Variants in BLNK observed in about 807,000 individuals in gnomAD.
BLNK encodes B cell linker, also known as B-cell linker protein.
BLNK carries 29 observed loss-of-function variants against 73.5 expected under a neutral mutation model. The ratio of observed to expected loss-of-function variants is 0.39; its 90% CI spans 0.29 to 0.54. The LOEUF (loss-of-function observed/expected upper bound fraction) is 0.54, where lower values mean the gene tolerates loss of function less well. Ranked by LOEUF, BLNK falls within the 20% of genes least tolerant of loss-of-function variation. BLNK has a pLI of 0.61. For synonymous variants in BLNK, 176 were observed against 200.8 expected, an observed-to-expected ratio of 0.88 and a Z score of 1.04; for missense variants, 460 against 562.8, an observed-to-expected ratio of 0.82 and a Z score of 1.85.
At position 96,191,903 on chromosome 10, in the gene BLNK, G is replaced by A. The variant is rs1367767600; in HGVS notation, c.*70C>T. 6.3e-7 allele frequency: 1 copy of A among 1,594,578 alleles called. No homozygotes were observed. Among genetic ancestry groups the A allele is most frequent in the East Asian group, 2.2e-5 (1 of 44,546 alleles). ...CATAATCCAAAATATGAAGTTTTGG[G>A]ACTTTTTCTCAAAAGGAGAAACTTT... is the stretch of plus-strand genomic sequence containing the variant. On this transcript the variant is annotated 3_prime_UTR_variant, in exon 17 of 17. Coordinates refer to ENST00000224337, the MANE Select transcript of BLNK (RefSeq NM_013314.4).
chr10:96,216,549 G>C (rs2084070076), intron 7 of BLNK, 104 bp downstream of exon 7: 1 of 995,476 alleles, frequency 1.0e-6, no homozygotes, highest in Non-Finnish European at 1.6e-6. Context: ...AGAAAGTCCT[G>C]GGCACTGTCA....
chr10:96,196,181 AT>A (rs757880367), intron 16 of BLNK, among the ~76,000 whole-genome samples: 3 of 152,122 alleles, frequency 2.0e-5, no homozygotes, highest in South Asian at 2.1e-4. Flanking sequence ...TGTTCTTCCC[AT>A]TTTTCTCCTT....
rs35550791 is a variant in BLNK at position 96,270,613 on chromosome 10, T to TAA, written c.47+737_47+738dup. Among the ~76,000 whole-genome samples, 899 of 127,676 alleles carry TAA rather than the reference T, an allele frequency of 7.0e-3. 13 individuals carry two copies. Among genetic ancestry groups the TAA allele is most frequent in the African/African-American group, 0.022 (832 of 37,448 alleles). The allele number at this position is 127,676 out of a possible 152,430, so 83.8% of individuals were successfully genotyped here. On this transcript the variant is annotated intron_variant, in intron 1 of 16. Transcript: ENST00000224337. The stretch of plus-strand genomic sequence containing the variant: ...TGTACCCCAGAACTTAAAAGTATAA[T>TAA]AAAAAAAAAAAACTGTTAAAAAATG...
chr10:96,264,558 A>G (rs782170520), intron 1 of BLNK, among the ~76,000 whole-genome samples: 1 of 152,188 alleles, frequency 6.6e-6, no homozygotes, highest in Non-Finnish European at 1.5e-5. Flanking sequence ...TGAGATCCAG[A>G]TTCAATCGAA....
chr10:96,253,108 T>G (rs1473161234), intron 1 of BLNK, among the ~76,000 whole-genome samples: 3 of 152,166 alleles, frequency 2.0e-5, no homozygotes, highest in African/African-American at 7.2e-5. Flanking sequence ...GCCTTCCAAT[T>G]TTTACTACCC....
rs199765600 is a variant in BLNK at position 96,227,565 on chromosome 10, T to C, written c.206A>G (p.Asp69Gly). Residue 69 changes from aspartate (D) to glycine (G), a missense_variant and splice_region_variant, in exon 5 of 17, where the codon GAC becomes GGC. Transcript: ENST00000224337. Reference sequence around the variant, plus strand: ...CTCATCTGGATTTTCATAGTCGCTGTCCTGCAAGTGCAGATGCAGACACTG... The same window carrying C: ...CTCATCTGGATTTTCATAGTCGCTGCCCTGCAAGTGCAGATGCAGACACTG... ...DEEEQWSDDF[D>G]SDYENPDEHS... 101 of 1,613,912 alleles carry C rather than the reference T, an allele frequency of 6.3e-5. No individual in the cohort carries two copies. The highest frequency in any genetic ancestry group is 8.1e-5 in the Non-Finnish European group (96 of 1,180,046).
rs1479094308 is a variant in BLNK, at chr10:96,242,794, A to G, written c.114-10T>C. On this transcript the variant is annotated splice_polypyrimidine_tract_variant and intron_variant, in intron 2 of 16. Transcript: ENST00000224337. ...TGCTTTGACTTTTAGCCTGGAAATA[A>G]CAACCATGAGACAAAAGGTCAGTGA... 7 of 1,612,904 alleles carry G rather than the reference A, an allele frequency of 4.3e-6. No homozygotes were observed. Among genetic ancestry groups the G allele is most frequent in the African/African-American group, 1.3e-5 (1 of 74,914 alleles).
rs2083292452 is a variant in BLNK, at chr10:96,189,210, A to G, written c.*2763T>C. 6.6e-6 allele frequency among the ~76,000 whole-genome samples: 1 copy of G among 152,252 alleles called. No individual in the cohort carries two copies. Among genetic ancestry groups the G allele is most frequent in the South Asian group, 2.1e-4 (1 of 4,826 alleles). On this transcript the variant is annotated 3_prime_UTR_variant, in exon 17 of 17. Coordinates refer to ENST00000224337, the MANE Select transcript of BLNK (RefSeq NM_013314.4). ...TAATAATGAAACAGGCATTTTGGACAACACATTCTTGGCAATGGAACCTGG... is the reference window on the plus strand; with the variant it reads ...TAATAATGAAACAGGCATTTTGGACGACACATTCTTGGCAATGGAACCTGG...
rs782493413 is a variant in BLNK at position 96,201,068 on chromosome 10, A to G, written c.935-10T>C. 1 of 1,611,044 alleles carries G rather than the reference A, an allele frequency of 6.2e-7. No individual in the cohort carries two copies. Among genetic ancestry groups the G allele is most frequent in the South Asian group, 1.1e-5 (1 of 91,030 alleles). On this transcript the variant is annotated splice_polypyrimidine_tract_variant and intron_variant, in intron 13 of 16. Transcript: ENST00000224337. ...CCCCCTTCTGTAAATCCTGAAAGGG[A>G]TCAGAAAAGTCCTTCAATTAATCTT... is the stretch of plus-strand genomic sequence containing the variant.
At chr10:96,216,592 C>T in intron 7 of BLNK, 61 bp downstream of exon 7, 2 of 1,423,190 alleles carry the variant, frequency 1.4e-6, no homozygotes, top group Non-Finnish European at 2.0e-6. Flanking sequence ...CTACCAAATA[C>T]TCTTATACAT....
chr10:96,204,548 A>G lies in BLNK; in HGVS notation c.886T>C (p.Phe296Leu). The G allele has an allele frequency of 1.2e-6, 2 of 1,614,112 alleles. No homozygotes were observed. The highest frequency in any genetic ancestry group is 2.2e-5 in the South Asian group (2 of 91,076). ...GATTCTTACTTCTGGGCAGGAGGAA[A>G]CACTGGTGACTGCACAGCTTCTTGT... Reference protein sequence around the residue: ...HRQEAVQSPVFPPAQKQIHQK... With the variant: ...HRQEAVQSPVLPPAQKQIHQK... The change falls in exon 12 of 17, where the codon TTT becomes CTT. Residue 296 changes from phenylalanine (F) to leucine (L), a missense_variant. Phe to Leu is a conservative substitution (Grantham distance 22). This residue lies in a region of BLNK where 233 missense variants were observed against 232.1 expected (regional missense o/e 1.00). Transcript: ENST00000224337.
chr10:96,247,944 G>A (rs1156647236), intron 1 of BLNK, among the ~76,000 whole-genome samples: 2 of 152,144 alleles, frequency 1.3e-5, no homozygotes, highest in African/African-American at 4.8e-5. Flanking sequence ...CCTACTCTGT[G>A]GAGTGTACTT....
chr10:96,196,984 C>T lies in BLNK; in HGVS notation c.1175G>A (p.Arg392Gln), dbSNP rs372532123. The T allele has an allele frequency of 5.6e-6, 9 of 1,612,934 alleles. No homozygotes were observed. The highest frequency in any genetic ancestry group is 4.0e-5 in the African/African-American group (3 of 74,870). ...AAATCGCACAGGAATATTATATACTCGCTTATTAAAGAATACAACTAGTGT... is the reference window on the plus strand; with the variant it reads ...AAATCGCACAGGAATATTATATACTTGCTTATTAAAGAATACAACTAGTGT... ...PYTLVVFFNK[R>Q]VYNIPVRFIE... The change falls in exon 16 of 17, where the codon CGA (arginine) becomes CAA (glutamine). Residue 392 changes from arginine to glutamine, a missense_variant. Arg to Gln is a conservative substitution (Grantham distance 43, BLOSUM62 1). Around this residue, in one of 3 missense-constraint regions of BLNK, gnomAD observed 88 missense variants for 143.4 expected, o/e 0.61. Coordinates refer to ENST00000224337, the MANE Select transcript of BLNK (RefSeq NM_013314.4).
At chr10:96,215,995 C>T (rs1699708522) in intron 7 of BLNK, 1 of 160,460 alleles carries the variant, frequency 6.2e-6, no homozygotes, top group Non-Finnish European at 1.4e-5. Flanking sequence ...CGGACTGAAA[C>T]CTGAATATGG....
intron 1 of BLNK, among the ~76,000 whole-genome samples, chr10:96,267,521 A>T (rs1388664431): frequency 6.6e-6 from 1 of 151,858 alleles, no homozygotes; most frequent in Non-Finnish European, 1.5e-5. Context: ...GGAAGTAAAA[A>T]CTCCAGTTGA....
chr10:96,233,964 A>C (rs1180783822), intron 3 of BLNK, among the ~76,000 whole-genome samples: 1 of 152,258 alleles, frequency 6.6e-6, no homozygotes, highest in African/African-American at 2.4e-5. Flanking sequence ...TGCCAGGCTA[A>C]GTGTTATAAA....
chr10:96,199,125 G>A (rs770955142), intron 15 of BLNK, among the ~76,000 whole-genome samples: 3 of 152,226 alleles, frequency 2.0e-5, no homozygotes, highest in Non-Finnish European at 2.9e-5. Flanking sequence ...AAGGACTGAC[G>A]GAACACACTA....
Position 96,222,902 on chromosome 10 carries a change from G to A in BLNK, c.525+924C>T, listed in dbSNP as rs377668476. ...GGCAGGAGAGGGCTCCCCTGCCCCA[G>A]GAATGTCAGGAGACCATCAGGTGAT... On this transcript the variant is annotated intron_variant, in intron 6 of 16. Transcript: ENST00000224337. Among the ~76,000 whole-genome samples the A allele has an allele frequency of 9.1e-4, 139 of 152,258 alleles. No homozygotes were observed. In the South Asian group the frequency reaches 0.013, roughly 14 times the overall value.
In BLNK at chr10:96,227,522, C is replaced by T. The variant is rs782796988; in HGVS notation, c.249G>A (p.Met83Ile). The T allele has an allele frequency of 2.5e-6, 4 of 1,614,094 alleles. No individual in the cohort carries two copies. In the African/African-American group the frequency reaches 4.0e-5, roughly 16 times the overall value. Residue 83 changes from methionine (M) to isoleucine (I), a missense_variant, in exon 5 of 17, where the codon ATG (methionine) becomes ATA (isoleucine). Transcript: ENST00000224337. ...CGTTCTCCTCGGCGGGCATCACGTA[C>T]ATCTCTGAGTCCGAGTGCTCATCTG... ...ENPDEHSDSE[M>I]YVMPAEENAD...
Sources: allele counts gnomAD v4.1 joint callset (sites outside exome capture counted in the v4.1 genomes callset), GRCh38; gene constraint gnomAD v4.1.1; regional missense constraint gnomAD v4.1.1; transcripts MANE v1.5; gene names NCBI Gene and HGNC (gene_info 2026-07-23, HGNC 2026-07-21).